SFMBT2: variants seen among roughly 807,000 people sequenced by gnomAD.
The protein encoded by SFMBT2 is scm-like with four MBT domains protein 2.
In SFMBT2, 38 loss-of-function variants were observed where a neutral mutation model predicts 110.1. The observed-to-expected ratio is 0.35, with a 90% CI of 0.27 to 0.45. The LOEUF (loss-of-function observed/expected upper bound fraction) is 0.45, where lower values mean the gene tolerates loss of function less well. Ranked by LOEUF, SFMBT2 falls within the 20% of genes least tolerant of loss-of-function variation. The pLI is 1.00. For synonymous variants in SFMBT2, 425 were observed against 425.4 expected (o/e 1.00, Z 0.01); for missense variants, 1,011 against 1,094.9 (o/e 0.92, Z 1.08).
At chr10:7,340,877 C>A (rs1349911163) in intron 4 of SFMBT2, among the ~76,000 whole-genome samples, 1 of 150,604 alleles carries the variant, frequency 6.6e-6, no homozygotes, top group African/African-American at 2.4e-5. Flanking sequence ...TGCAGGGATT[C>A]TTTGGGGTAC....
intron 4 of SFMBT2, among the ~76,000 whole-genome samples, chr10:7,299,514 A>C (rs1382161504): frequency 6.6e-6 from 1 of 152,234 alleles, no homozygotes; most frequent in Non-Finnish European, 1.5e-5. Flanking sequence ...AGAGAAATGC[A>C]AATCAAAACC....
At chr10:7,273,673 G>T (rs1362603162) in intron 7 of SFMBT2, among the ~76,000 whole-genome samples, 1 of 152,100 alleles carries the variant, frequency 6.6e-6, no homozygotes, top group Non-Finnish European at 1.5e-5. Flanking sequence ...GTGTCCAAGT[G>T]TTCTCACTGT....
At chr10:7,263,440 C>T (rs1307371891) in intron 7 of SFMBT2, among the ~76,000 whole-genome samples, 5 of 152,072 alleles carry the variant, frequency 3.3e-5, no homozygotes. Context: ...CAGGGTTTCA[C>T]CATGTTAGCC....
chr10:7,341,602 T>C (rs1225273879), intron 4 of SFMBT2, among the ~76,000 whole-genome samples: 1 of 152,218 alleles, frequency 6.6e-6, no homozygotes, highest in Non-Finnish European at 1.5e-5. Context: ...CTCCACGTTG[T>C]AGAAATCATT....
chr10:7,341,045 T>C (rs761511161), intron 4 of SFMBT2, among the ~76,000 whole-genome samples: 1 of 152,128 alleles, frequency 6.6e-6, no homozygotes, highest in Non-Finnish European at 1.5e-5. Flanking sequence ...TTCTGCAGCG[T>C]GAAATGTGAA....
intron 15 of SFMBT2, chr10:7,189,108 AT>A: frequency 1.0e-6 from 1 of 965,544 alleles, no homozygotes; most frequent in East Asian, 1.1e-4. Context: ...ATTTCATTCT[AT>A]TTTTACAGAT....
At chr10:7,348,212 T>G in intron 4 of SFMBT2, 1 of 1,270,082 alleles carries the variant, frequency 7.9e-7, no homozygotes, top group Admixed American at 3.0e-5. Context: ...TTGAGGGTGG[T>G]GGGAGAGGTT....
intron 4 of SFMBT2, 32 bp from the exon 5 acceptor site, chr10:7,285,986 C>T: frequency 1.2e-6 from 1 of 848,042 alleles, no homozygotes; most frequent in Non-Finnish European, 2.0e-6. Flanking sequence ...AAAAACAAAA[C>T]AAAACAAAAA....
At chr10:7,220,638 A>G (rs916166613) in intron 10 of SFMBT2, 101 bp from the exon 11 acceptor site, 2 of 1,210,930 alleles carry the variant, frequency 1.7e-6, no homozygotes, top group Non-Finnish European at 2.4e-6. Context: ...CGCATCTTAC[A>G]TCGACAAGAC....
At chr10:7,350,567 A>C (rs1220546948) in intron 4 of SFMBT2, among the ~76,000 whole-genome samples, 3 of 152,158 alleles carry the variant, frequency 2.0e-5, no homozygotes, top group Non-Finnish European at 4.4e-5. Context: ...TTGAAATACA[A>C]ATATGTTTAA....
chr10:7,263,978 A>G (rs1487892282), intron 7 of SFMBT2: 2 of 218,184 alleles, frequency 9.2e-6, no homozygotes, highest in African/African-American at 2.3e-5. Flanking sequence ...CTATAATCAC[A>G]CTGACAGGTA....
chr10:7,287,852 C>T (rs967778759), intron 4 of SFMBT2, among the ~76,000 whole-genome samples: 2 of 152,170 alleles, frequency 1.3e-5, no homozygotes, highest in Non-Finnish European at 2.9e-5. Flanking sequence ...GGATGCATGA[C>T]TTTGAATAAT....
intron 4 of SFMBT2, among the ~76,000 whole-genome samples, chr10:7,325,923 G>T (rs1346801909): frequency 6.6e-6 from 1 of 152,184 alleles, no homozygotes; most frequent in Non-Finnish European, 1.5e-5. Flanking sequence ...CAATAAATAT[G>T]TTAAAAATTA....
chr10:7,205,810 C>G lies in SFMBT2; in HGVS notation c.1444+5G>C. The G allele has an allele frequency of 6.2e-7, 1 of 1,613,784 alleles. No homozygotes were observed. On this transcript the variant is annotated splice_donor_5th_base_variant and intron_variant, in intron 12 of 20. Coordinates refer to ENST00000397167, the MANE Select transcript of SFMBT2 (RefSeq NM_001387889.1). Reference sequence around the variant, plus strand: ...TCCACCCCCCCTCAACTGGGAACCACTTACAGACTGTTTTGTGTGGTGCAG... The same window carrying G: ...TCCACCCCCCCTCAACTGGGAACCAGTTACAGACTGTTTTGTGTGGTGCAG...
chr10:7,233,157 T>C (rs1299672480), intron 9 of SFMBT2, among the ~76,000 whole-genome samples: 1 of 152,206 alleles, frequency 6.6e-6, no homozygotes, highest in Non-Finnish European at 1.5e-5. Context: ...ATGTTTGCTA[T>C]CTACCTGGCT....
At chr10:7,391,522 T>C (rs1845765023) in intron 1 of SFMBT2, among the ~76,000 whole-genome samples, 1 of 150,806 alleles carries the variant, frequency 6.6e-6, no homozygotes, top group Non-Finnish European at 1.5e-5. Context: ...TGGAGGGCAA[T>C]GGCCGTGCCA....
Position 7,410,977 on chromosome 10 carries a change from CGCCTCCCTCGCGCGCCCGCT to C in SFMBT2, c.-188_-169del, listed in dbSNP as rs1240417090. 6.6e-6 allele frequency among the ~76,000 whole-genome samples: 1 copy of C among 151,554 alleles called. No homozygotes were observed. The highest frequency in any genetic ancestry group is 1.5e-5 in the Non-Finnish European group (1 of 67,878). Reference sequence around the variant, plus strand: ...CCTTGCCCGCTCGCTCCCCGCCCGCCGCCTCCCTCGCGCGCCCGCTCCGGTCCTCCGGCTCCCACTACAGC... The same window carrying C: ...CCTTGCCCGCTCGCTCCCCGCCCGCCCCGGTCCTCCGGCTCCCACTACAGC... On this transcript the variant is annotated 5_prime_UTR_variant, in exon 1 of 21. An upstream open reading frame in the 5' UTR gains an earlier in-frame stop. Coordinates refer to ENST00000397167, the MANE Select transcript of SFMBT2 (RefSeq NM_001387889.1).
chr10:7,262,456 C>A (rs1399254195), intron 7 of SFMBT2, among the ~76,000 whole-genome samples: 2 of 152,148 alleles, frequency 1.3e-5, no homozygotes, highest in Non-Finnish European at 1.5e-5. Flanking sequence ...CCTTTGCACA[C>A]CTCCAAATCC....
chr10:7,382,636 AC>A (rs1042550057), intron 1 of SFMBT2, among the ~76,000 whole-genome samples: 1 of 149,572 alleles, frequency 6.7e-6, no homozygotes, highest in African/African-American at 2.5e-5. Flanking sequence ...AGCAACCTCC[AC>A]CCCCCACACA....
Sources: gnomAD v4.1 joint callset for allele counts (sites outside exome capture counted in the v4.1 genomes callset) on GRCh38, gnomAD v4.1.1 for gene constraint, MANE v1.5 for transcripts, NCBI Gene and HGNC (gene_info 2026-07-23, HGNC 2026-07-21) for gene names.